The following WWOX variants were observed in gnomAD, a reference collection of about 807,000 sequenced individuals.
WWOX encodes the protein WW domain containing oxidoreductase.
A neutral mutation model predicts 46.2 loss-of-function variants in WWOX; 69 were observed. The ratio of observed to expected loss-of-function variants is 1.49; its 90% CI spans 1.23 to 1.82. The LOEUF is 1.82. Ranked by LOEUF, WWOX falls within the 40% of genes most tolerant of loss-of-function variation. WWOX has a pLI of 0.00. For missense variants in WWOX, 919 were observed against 542.6 expected (o/e 1.69, Z -6.89); for synonymous variants, 359 against 202.6 (o/e 1.77, Z -6.56).
chr16:78,743,396 G>A (rs1324395705), intron 8 of WWOX, among the ~76,000 whole-genome samples: 1 of 152,124 alleles, frequency 6.6e-6, no homozygotes, highest in Non-Finnish European at 1.5e-5. Context: ...GCTTCATGCT[G>A]TATTTTGTAC....
At chr16:79,167,759 G>T (rs751207608) in intron 8 of WWOX, among the ~76,000 whole-genome samples, 1 of 152,180 alleles carries the variant, frequency 6.6e-6, no homozygotes. Context: ...TGAAATTCAC[G>T]TAATATACAG....
chr16:78,710,580 A>T (rs115806921), intron 8 of WWOX, among the ~76,000 whole-genome samples: 1 of 144,686 alleles, frequency 6.9e-6, no homozygotes, highest in Non-Finnish European at 1.5e-5. Flanking sequence ...ATCTAAATAT[A>T]TAAAATATAT....
At chr16:78,742,256 C>T (rs190295473) in intron 8 of WWOX, among the ~76,000 whole-genome samples, 1 of 152,174 alleles carries the variant, frequency 6.6e-6, no homozygotes, top group South Asian at 2.1e-4. Flanking sequence ...AGTCCATGAT[C>T]AAGGCAGTTT....
At chr16:79,110,903 T>A (rs1235324279) in intron 8 of WWOX, 1 of 152,184 alleles carries the variant, frequency 6.6e-6, no homozygotes. Flanking sequence ...GGGATTGTTT[T>A]GAGAAATGAG....
intron 5 of WWOX, among the ~76,000 whole-genome samples, chr16:78,335,095 G>C (rs1196031912): frequency 6.6e-6 from 1 of 152,132 alleles, no homozygotes; most frequent in African/African-American, 2.4e-5. Flanking sequence ...TGAATCAGAA[G>C]CTTGTGGGGT....
intron 5 of WWOX, among the ~76,000 whole-genome samples, chr16:78,202,625 T>C (rs916447077): frequency 2.0e-5 from 3 of 152,174 alleles, no homozygotes; most frequent in Admixed American, 6.5e-5. Flanking sequence ...TAAAATTTCA[T>C]TGGGAAAGAA....
At position 79,212,270 on chromosome 16, in the gene WWOX, C is replaced by T. The variant is rs988938338; in HGVS notation, c.*474C>T. The T allele has an allele frequency of 2.4e-6, 3 of 1,255,546 alleles. No individual in the cohort carries two copies. In the African/African-American group the frequency reaches 4.6e-5, roughly 19 times the overall value. The allele number at this position is 1,255,546 out of a possible 1,614,324, so 77.8% of individuals were successfully genotyped here. A position where few individuals can be genotyped will look rare whatever the true frequency, so the allele number is the denominator to read the frequency against. Reference sequence around the variant, plus strand: ...TCCAGGAGATAATTGTTTCATTCATCCTGACCAAGACTGAGCCAGCTTAGC... The same window carrying T: ...TCCAGGAGATAATTGTTTCATTCATTCTGACCAAGACTGAGCCAGCTTAGC... On this transcript the variant is annotated 3_prime_UTR_variant, in exon 9 of 9. Transcript: ENST00000566780.
chr16:78,822,530 C>G (rs1384711151), intron 8 of WWOX, among the ~76,000 whole-genome samples: 3 of 152,036 alleles, frequency 2.0e-5, no homozygotes, highest in Non-Finnish European at 2.9e-5. Context: ...CAAAAATCTA[C>G]TTGAACCAAT....
In WWOX at chr16:78,515,692, C is replaced by G. The variant is rs558368117; in HGVS notation, c.1056+82940C>G. Among the ~76,000 whole-genome samples, 41 of 152,330 alleles carry G rather than the reference C, an allele frequency of 2.7e-4. 1 individual carries two copies. Among genetic ancestry groups the G allele is most frequent in the African/African-American group, 6.3e-4 (26 of 41,580 alleles). On this transcript the variant is annotated intron_variant, in intron 8 of 8. Coordinates refer to ENST00000566780, the MANE Select transcript of WWOX (RefSeq NM_016373.4). ...CGCAGCCGCTCCCTTCCACACCTGC[C>G]TTTTCACCTGCCAGACTGCGCGTTG...
chr16:78,163,033 A>T (rs2034847403), intron 4 of WWOX, among the ~76,000 whole-genome samples: 1 of 152,136 alleles, frequency 6.6e-6, no homozygotes, highest in Non-Finnish European at 1.5e-5. Flanking sequence ...AGTCAGACTT[A>T]TTTTAATCAC....
chr16:78,381,753 G>A (rs2081961358), intron 5 of WWOX, among the ~76,000 whole-genome samples: 1 of 152,122 alleles, frequency 6.6e-6, no homozygotes, highest in Admixed American at 6.6e-5. Context: ...ATGGATGATT[G>A]GATGGATGGA....
At chr16:78,418,142 CGAGGTCAG>C (rs553064167) in intron 6 of WWOX, among the ~76,000 whole-genome samples, 172 of 152,184 alleles carry the variant, frequency 1.1e-3, no homozygotes, top group African/African-American at 3.9e-3. Flanking sequence ...GGGTGGATCA[CGAGGTCAG>C]GAGGTCAAGA....
intron 8 of WWOX, among the ~76,000 whole-genome samples, chr16:79,165,776 C>T (rs1375631886): frequency 6.6e-6 from 1 of 152,160 alleles, no homozygotes; most frequent in Non-Finnish European, 1.5e-5. Flanking sequence ...ATTACTTTGT[C>T]ACAGGCAGGC....
intron 8 of WWOX, among the ~76,000 whole-genome samples, chr16:78,768,555 A>G (rs2049983229): frequency 6.7e-6 from 1 of 150,202 alleles, no homozygotes; most frequent in South Asian, 2.1e-4. Flanking sequence ...GCGCCGCTGC[A>G]CTCCAGCCTG....
intron 8 of WWOX, among the ~76,000 whole-genome samples, chr16:79,043,848 A>C (rs547620030): frequency 6.6e-6 from 1 of 152,330 alleles, no homozygotes; most frequent in East Asian, 1.9e-4. Flanking sequence ...TGTAGAGAGC[A>C]AACTCTGGAA....
chr16:78,706,301 C>T lies in WWOX; in HGVS notation c.1056+273549C>T, dbSNP rs568999155. ...GTCTGTCAGTCTCACACACATCCTT[C>T]AACACATCTCTTATTTCTTTCCAGA... On this transcript the variant is annotated intron_variant, in intron 8 of 8. Transcript: ENST00000566780. Among the ~76,000 whole-genome samples the T allele has an allele frequency of 7.9e-5, 12 of 152,206 alleles. No homozygotes were observed. In the South Asian group the frequency reaches 2.3e-3, roughly 29 times the overall value.
intron 1 of WWOX, among the ~76,000 whole-genome samples, chr16:78,100,937 A>G (rs1328521691): frequency 6.6e-6 from 1 of 152,124 alleles, no homozygotes; most frequent in African/African-American, 2.4e-5. Flanking sequence ...TTTCCAGGTG[A>G]GGTGGAATAT....
intron 8 of WWOX, among the ~76,000 whole-genome samples, chr16:78,629,275 C>T (rs1036966796): frequency 6.7e-6 from 1 of 149,304 alleles, no homozygotes; most frequent in South Asian, 2.1e-4. Context: ...GGTCATAAGA[C>T]ATTGGTGAGG....
intron 8 of WWOX, among the ~76,000 whole-genome samples, chr16:78,585,675 GTTTTTT>G (rs72477856): frequency 7.0e-6 from 1 of 141,912 alleles, no homozygotes; most frequent in Admixed American, 7.1e-5. Context: ...TTTGTTTTGG[GTTTTTT>G]TTTTTGTTTT....
Sources: allele counts gnomAD v4.1 joint callset (sites outside exome capture counted in the v4.1 genomes callset), GRCh38; gene constraint gnomAD v4.1.1; transcripts MANE v1.5; gene names NCBI Gene and HGNC (gene_info 2026-07-23, HGNC 2026-07-21).